TG: variants seen among roughly 807,000 people sequenced by gnomAD.
TG encodes thyroglobulin, also known as thyroid hormones.
TG carries 270 observed loss-of-function variants against 324.7 expected under a neutral mutation model. The observed-to-expected ratio is 0.83, with a 90% CI of 0.75 to 0.92. The LOEUF (loss-of-function observed/expected upper bound fraction) is 0.92, where lower values mean the gene tolerates loss of function less well. Among genes scored for constraint, TG ranks in the 40% least tolerant of loss-of-function variants. TG has a pLI of 0.00. For missense variants in TG, 3,591 were observed against 3,456.4 expected (o/e 1.04, Z -0.98); for synonymous variants, 1,401 against 1,327.0 (o/e 1.06, Z -1.21).
At chr8:133,025,699 C>T (rs1232820186) in intron 40 of TG, among the ~76,000 whole-genome samples, 4 of 152,164 alleles carry the variant, frequency 2.6e-5, no homozygotes, top group Non-Finnish European at 5.9e-5. Flanking sequence ...TTTTGTTGCC[C>T]TCCAACTTTC....
chr8:132,964,898 C>T (rs566580078), intron 29 of TG: 144 of 702,090 alleles, frequency 2.1e-4, no homozygotes, highest in Non-Finnish European at 3.3e-4. Context: ...AAAGGTTTCT[C>T]GGAGGAGGCC....
At chr8:133,019,571 G>T (rs1477680666) in intron 38 of TG, 31 bp from the exon 39 acceptor site, 3 of 1,601,928 alleles carry the variant, frequency 1.9e-6, no homozygotes, top group Middle Eastern at 1.7e-4. Context: ...GATGGAGCAT[G>T]TCTTGGAAGT....
chr8:132,925,512 A>AGAGCGTGT (rs1554670062), intron 22 of TG, among the ~76,000 whole-genome samples: 2 of 67,242 alleles, frequency 3.0e-5, no homozygotes, highest in East Asian at 7.1e-4. Flanking sequence ...AGTCCTAAGG[A>AGAGCGTGT]GTGCGTGTGT....
chr8:132,983,697 G>A, intron 35 of TG: 1 of 521,620 alleles, frequency 1.9e-6, no homozygotes, highest in South Asian at 2.1e-5. Flanking sequence ...TCATTTTAAG[G>A]ATTATTTCGC....
chr8:133,052,510 G>T (rs1352728548), intron 41 of TG, among the ~76,000 whole-genome samples: 1 of 152,192 alleles, frequency 6.6e-6, no homozygotes, highest in Non-Finnish European at 1.5e-5. Flanking sequence ...TCCTGCTGCA[G>T]ACCTTCCCCA....
chr8:132,927,604 C>T (rs1025659274), intron 22 of TG, among the ~76,000 whole-genome samples: 1 of 152,172 alleles, frequency 6.6e-6, no homozygotes, highest in Non-Finnish European at 1.5e-5. Flanking sequence ...TGTTTCTGTT[C>T]TGCTTGGCCA....
chr8:133,095,306 C>T, intron 42 of TG, 98 bp downstream of exon 42: 1 of 1,540,400 alleles, frequency 6.5e-7, no homozygotes, highest in Non-Finnish European at 9.0e-7. Context: ...CCCAGCCATA[C>T]CACACATGAG....
chr8:133,126,732 C>T (rs1009918130), intron 45 of TG, among the ~76,000 whole-genome samples: 1 of 151,614 alleles, frequency 6.6e-6, no homozygotes, highest in African/African-American at 2.4e-5. Flanking sequence ...TTAGATTTGC[C>T]CAAAGAGAGG....
chr8:132,898,330 G>C (rs905840833), intron 13 of TG, 84 bp downstream of exon 13: 8 of 1,316,162 alleles, frequency 6.1e-6, no homozygotes, highest in Non-Finnish European at 8.5e-6. Context: ...CTAACCGCTG[G>C]AGACTCCATG....
At chr8:133,015,673 T>A (rs1834961190) in intron 37 of TG, among the ~76,000 whole-genome samples, 2 of 152,232 alleles carry the variant, frequency 1.3e-5, no homozygotes, top group Non-Finnish European at 2.9e-5. Context: ...TGTGGCTGTT[T>A]CCTGCATAGC....
intron 22 of TG, among the ~76,000 whole-genome samples, chr8:132,925,307 T>C (rs1163025184): frequency 6.6e-6 from 1 of 152,242 alleles, no homozygotes; most frequent in Non-Finnish European, 1.5e-5. Flanking sequence ...TCTACCAATC[T>C]GTTTCCACCT....
At chr8:132,949,785 C>T (rs1299873151) in intron 27 of TG, among the ~76,000 whole-genome samples, 1 of 152,222 alleles carries the variant, frequency 6.6e-6, no homozygotes, top group Non-Finnish European at 1.5e-5. Context: ...TCATCTGCCC[C>T]AGCCTCTCAG....
At chr8:132,961,678 A>G (rs1827780636) in intron 28 of TG, among the ~76,000 whole-genome samples, 1 of 152,196 alleles carries the variant, frequency 6.6e-6, no homozygotes, top group Non-Finnish European at 1.5e-5. Context: ...CACAGCCCTG[A>G]CTATTGAAGG....
chr8:132,990,819 G>A (rs1396979176), intron 35 of TG, among the ~76,000 whole-genome samples: 4 of 152,144 alleles, frequency 2.6e-5, no homozygotes, highest in Middle Eastern at 3.4e-3. Flanking sequence ...TACTCAACCC[G>A]GATGTAAACC....
At chr8:133,076,179 C>T (rs1844832698) in intron 41 of TG, 1 of 152,242 alleles carries the variant, frequency 6.6e-6, no homozygotes. Context: ...CTCACAGCCC[C>T]TCACACCTCA....
chr8:132,871,995 T>A (rs1000597940), intron 4 of TG, among the ~76,000 whole-genome samples: 1 of 152,122 alleles, frequency 6.6e-6, no homozygotes, highest in Non-Finnish European at 1.5e-5. Context: ...TAGGCTAATG[T>A]GTGTGTGTAT....
intron 41 of TG, among the ~76,000 whole-genome samples, chr8:133,062,296 TCTAACAG>T (rs1213108709): frequency 6.6e-6 from 1 of 152,328 alleles, no homozygotes; most frequent in African/African-American, 2.4e-5. Context: ...CTGGGCAGGT[TCTAACAG>T]CAACACCTGC....
intron 7 of TG, 73 bp downstream of exon 7, chr8:132,882,685 G>A: frequency 6.2e-7 from 1 of 1,613,260 alleles, no homozygotes. Context: ...AGTTGCTATG[G>A]TGTGTGTGGC....
intron 41 of TG, chr8:133,038,325 C>G (rs1244592909): frequency 1.0e-5 from 6 of 601,230 alleles, no homozygotes; most frequent in Non-Finnish European, 1.8e-5. Context: ...TGCCACAGCC[C>G]TGATCAGACA....
Sources: gnomAD v4.1 joint callset for allele counts (sites outside exome capture counted in the v4.1 genomes callset) on GRCh38, gnomAD v4.1.1 for gene constraint, MANE v1.5 for transcripts, NCBI Gene and HGNC (gene_info 2026-07-23, HGNC 2026-07-21) for gene names.